Variants in GABRA5 observed in about 807,000 individuals in gnomAD.
GABRA5 encodes the protein gamma-aminobutyric acid receptor subunit alpha-5.
In GABRA5, 18 loss-of-function variants were observed where a neutral mutation model predicts 47.3. That is an observed-to-expected ratio of 0.38 (90% CI 0.26 to 0.56). The LOEUF (loss-of-function observed/expected upper bound fraction) is 0.56. Ranked by LOEUF, GABRA5 falls within the 20% of genes least tolerant of loss-of-function variation. The pLI is 0.71. For synonymous variants in GABRA5, 237 were observed against 229.3 expected (o/e 1.03, Z -0.30); for missense variants, 365 against 599.3 (o/e 0.61, Z 4.08).
chr15:26,900,304 A>G (rs1234900081), intron 6 of GABRA5, among the ~76,000 whole-genome samples: 1 of 151,832 alleles, frequency 6.6e-6, no homozygotes, highest in Non-Finnish European at 1.5e-5. Context: ...TTAAATAATT[A>G]TACAATTTTT....
chr15:26,870,975 C>T (rs1371612787), intron 3 of GABRA5, among the ~76,000 whole-genome samples: 2 of 152,174 alleles, frequency 1.3e-5, no homozygotes, highest in Non-Finnish European at 2.9e-5. Context: ...GGGCGGATCG[C>T]CTGAGGTCAG....
rs896557547 is a variant in GABRA5, at chr15:26,938,411, C to T, written c.724+1083C>T. On this transcript the variant is annotated intron_variant, in intron 8 of 10. Coordinates refer to ENST00000335625, the MANE Select transcript of GABRA5 (RefSeq NM_000810.4). The stretch of plus-strand genomic sequence containing the variant: ...CAGTTTGGAGCTGTTTCATGTAGTT[C>T]TTTAAATATTAATAACTGGGATTTC... Among the ~76,000 whole-genome samples, 12 of 152,310 alleles carry T rather than the reference C, an allele frequency of 7.9e-5. 1 individual carries two copies. The highest frequency in any genetic ancestry group is 3.9e-4 in the Admixed American group (6 of 15,304).
chr15:26,869,958 C>A (rs943024590), intron 3 of GABRA5, among the ~76,000 whole-genome samples: 14 of 152,228 alleles, frequency 9.2e-5, no homozygotes, highest in African/African-American at 3.4e-4. Flanking sequence ...CCAACTCTAA[C>A]CTTTTTTTTC....
chr15:26,880,137 T>C (rs1892692459), intron 3 of GABRA5, among the ~76,000 whole-genome samples: 1 of 152,218 alleles, frequency 6.6e-6, no homozygotes, highest in African/African-American at 2.4e-5. Flanking sequence ...CATAAGCTTT[T>C]GGAATCTGGA....
rs149781426 is a variant in GABRA5, at chr15:26,940,496, G to A, written c.877+419G>A. ...TTGAGCATCCCTAATCTGAAAATCC[G>A]AAATGAGCTCCACGGAGCATTTTCT... is the stretch of plus-strand genomic sequence containing the variant. On this transcript the variant is annotated intron_variant, in intron 9 of 10. Coordinates refer to ENST00000335625, the MANE Select transcript of GABRA5 (RefSeq NM_000810.4). Among the ~76,000 whole-genome samples the A allele has an allele frequency of 2.2e-3, 332 of 152,180 alleles. 2 individuals are homozygous for A. Among genetic ancestry groups the A allele is most frequent in the African/African-American group, 7.3e-3 (305 of 41,522 alleles).
chr15:26,874,539 G>C (rs185969606), intron 3 of GABRA5, among the ~76,000 whole-genome samples: 3 of 152,198 alleles, frequency 2.0e-5, no homozygotes, highest in Non-Finnish European at 2.9e-5. Flanking sequence ...GGGAAGGAAT[G>C]GGGGGAGGAC....
intron 7 of GABRA5, among the ~76,000 whole-genome samples, chr15:26,935,971 A>G (rs1177853024): frequency 1.3e-5 from 2 of 152,168 alleles, no homozygotes; most frequent in Non-Finnish European, 2.9e-5. Context: ...ACCTTGGATT[A>G]TAATAATCCC....
chr15:26,893,183 G>C (rs1019397209), intron 6 of GABRA5, among the ~76,000 whole-genome samples: 21 of 106,480 alleles, frequency 2.0e-4, no homozygotes, highest in African/African-American at 6.9e-4. Flanking sequence ...GTGGTGTGTG[G>C]TGTGTGTGTG....
At chr15:26,884,029 A>C (rs910426076) in intron 6 of GABRA5, among the ~76,000 whole-genome samples, 2 of 148,428 alleles carry the variant, frequency 1.3e-5, no homozygotes, top group Admixed American at 6.8e-5. Context: ...AAAAAAAAAC[A>C]AAAAAGAAAT....
chr15:26,874,281 A>G (rs1892540039), intron 3 of GABRA5, among the ~76,000 whole-genome samples: 1 of 152,152 alleles, frequency 6.6e-6, no homozygotes, highest in East Asian at 1.9e-4. Flanking sequence ...ATTTATCAGC[A>G]TGTATATGAG....
chr15:26,902,123 T>C (rs1415874682), intron 6 of GABRA5, among the ~76,000 whole-genome samples: 1 of 152,136 alleles, frequency 6.6e-6, no homozygotes, highest in Non-Finnish European at 1.5e-5. Flanking sequence ...TTATGGCTAC[T>C]CTGGGTCTTT....
intron 6 of GABRA5, among the ~76,000 whole-genome samples, chr15:26,895,822 A>AG (rs1566871719): frequency 3.1e-4 from 42 of 137,126 alleles, no homozygotes; most frequent in East Asian, 2.5e-3. Flanking sequence ...CAAAAAAAAA[A>AG]AAAAAAGAAG....
chr15:26,916,271 T>A (rs964257997), intron 7 of GABRA5, among the ~76,000 whole-genome samples: 13 of 152,198 alleles, frequency 8.5e-5, no homozygotes, highest in African/African-American at 1.2e-4. Flanking sequence ...TTTTTTACAC[T>A]TATTGTTTCA....
chr15:26,868,240 G>T (rs1352475988), intron 1 of GABRA5: 1 of 152,096 alleles, frequency 6.6e-6, no homozygotes, highest in Non-Finnish European at 1.5e-5. Context: ...GCTCTGGCCC[G>T]GGCCCCGCGA....
At chr15:26,872,480 A>C (rs1207805334) in intron 3 of GABRA5, among the ~76,000 whole-genome samples, 1 of 152,196 alleles carries the variant, frequency 6.6e-6, no homozygotes, top group African/African-American at 2.4e-5. Flanking sequence ...ACCAGTCTAG[A>C]CAAGAGGGAA....
intron 6 of GABRA5, among the ~76,000 whole-genome samples, chr15:26,913,182 CAA>C (rs34449696): frequency 0.066 from 7,645 of 115,314 alleles, 682 homozygotes; most frequent in African/African-American, 0.22. Flanking sequence ...GACTCTGTCT[CAA>C]AAAAAAAAAA....
intron 7 of GABRA5, among the ~76,000 whole-genome samples, chr15:26,924,158 CTTTTTTT>C (rs536989357): frequency 8.1e-6 from 1 of 123,788 alleles, no homozygotes; most frequent in Non-Finnish European, 1.6e-5. Flanking sequence ...TAATACAAGG[CTTTTTTT>C]TTTTTTTTTT....
At chr15:26,934,337 C>A (rs1894185723) in intron 7 of GABRA5, among the ~76,000 whole-genome samples, 1 of 150,950 alleles carries the variant, frequency 6.6e-6, no homozygotes, top group African/African-American at 2.4e-5. Context: ...ATAACTCAAA[C>A]CCTGTACCTT....
Position 26,882,718 on chromosome 15 carries a change from C to A in GABRA5, c.209-448C>A, listed in dbSNP as rs551727629. ...GTTTCCCGGAGACCACCCAGGACCT[C>A]CTGCTTTGATTGGAAAGTCAGCTCC... On this transcript the variant is annotated intron_variant, in intron 4 of 10. Transcript: ENST00000335625. 5.9e-5 allele frequency among the ~76,000 whole-genome samples: 9 copies of A among 152,280 alleles called. No individual in the cohort carries two copies. In the East Asian group the frequency reaches 7.7e-4, roughly 13 times the overall value.
Sources: allele counts gnomAD v4.1 joint callset (sites outside exome capture counted in the v4.1 genomes callset), GRCh38; gene constraint gnomAD v4.1.1; transcripts MANE v1.5; gene names NCBI Gene and HGNC (gene_info 2026-07-23, HGNC 2026-07-21).